ABHD17B: variants seen among roughly 807,000 people sequenced by gnomAD.
The protein encoded by ABHD17B is alpha/beta hydrolase domain-containing protein 17B.
In ABHD17B, 9 loss-of-function variants were observed where a neutral mutation model predicts 26.2. The ratio of observed to expected loss-of-function variants is 0.34; its 90% CI spans 0.21 to 0.60. The LOEUF is 0.60. ABHD17B is among the 20% of genes least tolerant of loss of function. The pLI is 0.80. For missense variants in ABHD17B, 224 were observed against 352.1 expected, an observed-to-expected ratio of 0.64 and a Z score of 2.91; for synonymous variants, 127 against 122.3, an observed-to-expected ratio of 1.04 and a Z score of -0.25.
chr9:71,872,956 A>C (rs1318692273), intron 2 of ABHD17B, among the ~76,000 whole-genome samples: 1 of 151,946 alleles, frequency 6.6e-6, no homozygotes, highest in African/African-American at 2.4e-5. Flanking sequence ...CTATGAGAGC[A>C]TAACTTTATT....
At chr9:71,887,637 T>C (rs183328588) in intron 1 of ABHD17B, among the ~76,000 whole-genome samples, 2 of 152,330 alleles carry the variant, frequency 1.3e-5, no homozygotes, top group Admixed American at 6.5e-5. Context: ...AAAGCCCTAA[T>C]GGGCAGTGCT....
chr9:71,867,972 C>T (rs113618949), intron 3 of ABHD17B, among the ~76,000 whole-genome samples: 1,774 of 149,886 alleles, frequency 0.012, 29 homozygotes, highest in African/African-American at 0.041. Context: ...TTTGGGAGGC[C>T]GTAGTGGGTG....
chr9:71,907,571 G>T (rs1330318506), intron 1 of ABHD17B, among the ~76,000 whole-genome samples: 1 of 152,166 alleles, frequency 6.6e-6, no homozygotes, highest in Non-Finnish European at 1.5e-5. Flanking sequence ...GAGTGCAATG[G>T]TGCTATCTTG....
intron 1 of ABHD17B, among the ~76,000 whole-genome samples, chr9:71,905,428 A>C (rs1415069760): frequency 2.0e-5 from 3 of 152,152 alleles, no homozygotes; most frequent in Admixed American, 6.5e-5. Context: ...ACCATTTCAT[A>C]CTCCTCAGAA....
downstream of ABHD17B, chr9:71,862,593 TTTA>T (rs752298641): frequency 3.9e-5 from 54 of 1,381,062 alleles, no homozygotes; most frequent in Admixed American, 1.7e-4. Context: ...ACTTCCCTTC[TTTA>T]TGTTTCTGCA....
intron 1 of ABHD17B, among the ~76,000 whole-genome samples, chr9:71,890,432 G>A: frequency 6.6e-6 from 1 of 152,104 alleles, no homozygotes. Flanking sequence ...TCAACTTTAG[G>A]AAGTTTCTTC....
At chr9:71,907,677 A>G (rs189020210) in intron 1 of ABHD17B, among the ~76,000 whole-genome samples, 1 of 151,920 alleles carries the variant, frequency 6.6e-6, no homozygotes, top group Non-Finnish European at 1.5e-5. Context: ...ACACCCGGCT[A>G]ATTTTGTATT....
In ABHD17B at chr9:71,870,232, T is replaced by C. The variant is rs753498845; in HGVS notation, c.498A>G (p.Ile166Met). 1 of 1,600,784 alleles carries C rather than the reference T, an allele frequency of 6.2e-7. No individual in the cohort carries two copies. The highest frequency in any genetic ancestry group is 2.2e-5 in the East Asian group (1 of 44,666). The change falls in exon 3 of 4, where the codon ATA becomes ATG. Residue 166 changes from isoleucine (I) to methionine (M), a missense_variant. By Grantham distance (10) the Ile-to-Met change is conservative. Coordinates refer to ENST00000333421, the MANE Select transcript of ABHD17B (RefSeq NM_001025780.3). ...RYGIRPENVI[I>M]YGQSIGTVPS... ...GTACTGTCCCTATACTTTGGCCATATATAATCACATTTTCAGGGCGAATGC... is the reference window on the plus strand; with the variant it reads ...GTACTGTCCCTATACTTTGGCCATACATAATCACATTTTCAGGGCGAATGC...
intron 3 of ABHD17B, among the ~76,000 whole-genome samples, chr9:71,869,160 G>A (rs918835434): frequency 6.6e-6 from 1 of 152,098 alleles, no homozygotes; most frequent in African/African-American, 2.4e-5. Context: ...CACATTACCT[G>A]AAACAAAAAC....
chr9:71,887,596 C>T (rs905197461), intron 1 of ABHD17B, among the ~76,000 whole-genome samples: 1 of 152,224 alleles, frequency 6.6e-6, no homozygotes, highest in Non-Finnish European at 1.5e-5. Context: ...ACAAGTTACA[C>T]AGCATAGTAT....
chr9:71,870,905 C>T (rs1826093182), intron 2 of ABHD17B, among the ~76,000 whole-genome samples: 2 of 152,150 alleles, frequency 1.3e-5, no homozygotes, highest in Admixed American at 1.3e-4. Flanking sequence ...AGACTTTACG[C>T]TAAAATTACA....
chr9:71,872,876 C>T (rs1489442263), intron 2 of ABHD17B, among the ~76,000 whole-genome samples: 1 of 151,866 alleles, frequency 6.6e-6, no homozygotes, highest in Non-Finnish European at 1.5e-5. Flanking sequence ...TCTTTTTTTC[C>T]TTATTCCCCA....
intron 1 of ABHD17B, among the ~76,000 whole-genome samples, chr9:71,907,054 C>T (rs1827306389): frequency 6.6e-6 from 1 of 152,098 alleles, no homozygotes; most frequent in Non-Finnish European, 1.5e-5. Context: ...TTTCTATGAA[C>T]ATGGGATGTA....
chr9:71,876,683 C>G (rs1008892236), intron 1 of ABHD17B, among the ~76,000 whole-genome samples: 1 of 151,856 alleles, frequency 6.6e-6, no homozygotes, highest in African/African-American at 2.4e-5. Context: ...AAGAAAACAA[C>G]TCAACAGAGT....
chr9:71,870,291 A>T (rs748412807), intron 2 of ABHD17B, 29 bp from the exon 3 acceptor site: 6 of 1,541,380 alleles, frequency 3.9e-6, no homozygotes. Flanking sequence ...AAAAACAAAA[A>T]CCAAAAAAGT....
chr9:71,867,034 T>C (rs753788257), intron 3 of ABHD17B, 28 bp from the exon 4 acceptor site: 1 of 1,608,654 alleles, frequency 6.2e-7, no homozygotes, highest in African/African-American at 1.3e-5. Flanking sequence ...GGGGGAAAAA[T>C]GCAATAAATT....
chr9:71,884,246 G>A (rs954249871), intron 1 of ABHD17B, among the ~76,000 whole-genome samples: 4 of 152,158 alleles, frequency 2.6e-5, no homozygotes, highest in Non-Finnish European at 5.9e-5. Flanking sequence ...TAAACTGCTT[G>A]GTAAGCCATT....
rs766503811 is a variant in ABHD17B, at chr9:71,865,652, G to A, written c.*1135C>T. ...AGGCCAAGGGCAGATCATGAGGTCA[G>A]GAGTTCAAGACCAGCCTGATCAACA... On this transcript the variant is annotated 3_prime_UTR_variant, in exon 4 of 4. Coordinates refer to ENST00000333421, the MANE Select transcript of ABHD17B (RefSeq NM_001025780.3). The A allele has an allele frequency of 2.4e-6, 2 of 835,964 alleles. No homozygotes were observed. The highest frequency in any genetic ancestry group is 2.9e-6 in the Non-Finnish European group (2 of 694,036). The allele number at this position is 835,964 out of a possible 1,614,324, so 51.8% of individuals were successfully genotyped here. A position where few individuals can be genotyped will look rare whatever the true frequency, so the allele number is the denominator to read the frequency against.
intron 1 of ABHD17B, among the ~76,000 whole-genome samples, chr9:71,899,963 T>C (rs1484010424): frequency 1.3e-5 from 2 of 152,180 alleles, no homozygotes; most frequent in Non-Finnish European, 2.9e-5. Context: ...TTAGGAGCCT[T>C]ACTAAAAACA....
Sources: gnomAD v4.1 joint callset for allele counts (sites outside exome capture counted in the v4.1 genomes callset) on GRCh38, gnomAD v4.1.1 for gene constraint, MANE v1.5 for transcripts, NCBI Gene and HGNC (gene_info 2026-07-23, HGNC 2026-07-21) for gene names.